Variants in XRRA1 observed in about 807,000 individuals in gnomAD.
The protein encoded by XRRA1 is X-ray radiation resistance associated 1.
XRRA1 carries 69 observed loss-of-function variants against 80.2 expected under a neutral mutation model. The observed-to-expected ratio is 0.86, with a 90% CI of 0.71 to 1.05. The LOEUF (loss-of-function observed/expected upper bound fraction) is 1.05. XRRA1 is among the 50% of genes least tolerant of loss of function. The probability of loss-of-function intolerance (pLI) is 0.00; values close to 1 mark genes in which losing one functional copy is unlikely to be tolerated. For synonymous variants in XRRA1, 348 were observed against 389.9 expected (o/e 0.89, Z 1.27); for missense variants, 967 against 976.4 (o/e 0.99, Z 0.13).
At position 74,842,372 on chromosome 11, in the gene XRRA1, G is replaced by A. The variant is rs2036693570; in HGVS notation, c.*828C>T. 1 of 152,222 alleles carries A rather than the reference G, an allele frequency of 6.6e-6. No individual in the cohort carries two copies. Among genetic ancestry groups the A allele is most frequent in the Admixed American group, 6.5e-5 (1 of 15,284 alleles). The allele number at this position is 152,222 out of a possible 1,614,324, so 9.4% of individuals were successfully genotyped here. On this transcript the variant is annotated 3_prime_UTR_variant, in exon 19 of 19. Coordinates refer to ENST00000684022, the MANE Select transcript of XRRA1 (RefSeq NM_001378157.1). Reference sequence around the variant, plus strand: ...TGTATGTTTGCCTGCTTGAAGCAAGGCCCAAGTTGAGAATACAGTAAAGGA... The same window carrying A: ...TGTATGTTTGCCTGCTTGAAGCAAGACCCAAGTTGAGAATACAGTAAAGGA...
Position 74,848,171 on chromosome 11 carries a change from G to C in XRRA1, c.1672C>G (p.Pro558Ala). The C allele has an allele frequency of 6.2e-7, 1 of 1,613,608 alleles. No homozygotes were observed. The change falls in exon 15 of 19, where the codon CCA becomes GCA. Residue 558 changes from proline to alanine, a missense_variant. Transcript: ENST00000684022. ...GAGTCCTCATCTGATGGGCGCTCTGGGCTGAGGCGGACAGTTGTGTCACTC... is the reference window on the plus strand; with the variant it reads ...GAGTCCTCATCTGATGGGCGCTCTGCGCTGAGGCGGACAGTTGTGTCACTC... ...HLSDTTVRLSPERPSDEDSKS... is the reference protein window; with the variant it reads ...HLSDTTVRLSAERPSDEDSKS...
rs1185161494 is a variant in XRRA1, at chr11:74,841,412, G to T, written c.*1788C>A. 1 of 152,168 alleles carries T rather than the reference G, an allele frequency of 6.6e-6. No individual in the cohort carries two copies. Among genetic ancestry groups the T allele is most frequent in the Non-Finnish European group, 1.5e-5 (1 of 68,028 alleles). 9.4% of individuals were successfully genotyped at this position (152,168 alleles called of 1,614,324 possible). A position where few individuals can be genotyped will look rare whatever the true frequency, so the allele number is the denominator to read the frequency against. On this transcript the variant is annotated 3_prime_UTR_variant, in exon 19 of 19. Transcript: ENST00000684022. ...TTAGCTGCTGTAGCTTTCTGAAGAA[G>T]ATTGTAGAAAAGAGACTAAGATATA...
At chr11:74,862,404 T>C (rs2042491575) in intron 11 of XRRA1, among the ~76,000 whole-genome samples, 1 of 152,246 alleles carries the variant, frequency 6.6e-6, no homozygotes, top group Non-Finnish European at 1.5e-5. Context: ...CTCTCAAGGA[T>C]GCAGGTTGGC....
chr11:74,853,368 C>T (rs1434696924), intron 12 of XRRA1, among the ~76,000 whole-genome samples: 1 of 152,194 alleles, frequency 6.6e-6, no homozygotes, highest in Non-Finnish European at 1.5e-5. Flanking sequence ...ATTTTATCTC[C>T]TAGCCTCCCA....
chr11:74,896,037 C>T (rs893259994), intron 10 of XRRA1, among the ~76,000 whole-genome samples: 1 of 152,228 alleles, frequency 6.6e-6, no homozygotes, highest in Non-Finnish European at 1.5e-5. Flanking sequence ...AGGGAGTACA[C>T]TATGGGCCTT....
intron 10 of XRRA1, among the ~76,000 whole-genome samples, chr11:74,885,951 AAAAAC>A (rs1353834133): frequency 6.6e-6 from 1 of 152,258 alleles, no homozygotes; most frequent in Non-Finnish European, 1.5e-5. Context: ...AAACAGAACT[AAAAAC>A]AAAAACCACA....
intron 5 of XRRA1, among the ~76,000 whole-genome samples, chr11:74,932,676 T>C (rs973943565): frequency 1.3e-5 from 2 of 152,260 alleles, no homozygotes; most frequent in Admixed American, 1.3e-4. Flanking sequence ...TGAAATCTTC[T>C]ATGACTTTGT....
chr11:74,933,859 C>T lies in XRRA1; in HGVS notation c.293G>A (p.Cys98Tyr), dbSNP rs1300254104. 7.5e-6 allele frequency: 12 copies of T among 1,604,774 alleles called. No individual in the cohort carries two copies. Among genetic ancestry groups the T allele is most frequent in the Non-Finnish European group, 1.0e-5 (12 of 1,175,538 alleles). The change falls in exon 5 of 19, where the codon TGT (cysteine) becomes TAT (tyrosine). Residue 98 changes from cysteine (C) to tyrosine (Y), a missense_variant. Transcript: ENST00000684022. ...LDQAFLLKHH[C>Y]VRKPSDLCTI... The stretch of plus-strand genomic sequence containing the variant: ...GCACAGATCTGATGGCTTCCTCACA[C>T]AGTGGTGCTTCAGCTGGAACATAAT...
intron 4 of XRRA1, among the ~76,000 whole-genome samples, chr11:74,934,263 A>G (rs1440506285): frequency 6.6e-6 from 1 of 152,200 alleles, no homozygotes; most frequent in Non-Finnish European, 1.5e-5. Context: ...TGCACTTTTG[A>G]CTGCCATATG....
chr11:74,869,539 A>G (rs1003589375), intron 10 of XRRA1, among the ~76,000 whole-genome samples: 2 of 152,206 alleles, frequency 1.3e-5, no homozygotes, highest in African/African-American at 4.8e-5. Context: ...AGGCATGTCC[A>G]ACATGGAGGC....
intron 7 of XRRA1, among the ~76,000 whole-genome samples, chr11:74,921,717 C>A (rs1232345752): frequency 6.6e-6 from 1 of 152,166 alleles, no homozygotes; most frequent in Non-Finnish European, 1.5e-5. Context: ...CTTCTCAATT[C>A]CCCAGACAGA....
chr11:74,910,288 C>T (rs974799522), intron 8 of XRRA1, among the ~76,000 whole-genome samples: 3 of 152,050 alleles, frequency 2.0e-5, no homozygotes, highest in African/African-American at 2.4e-5. Context: ...TTTCAGGTGG[C>T]GTTATTTGGA....
chr11:74,891,174 A>G (rs1002977408), intron 10 of XRRA1, among the ~76,000 whole-genome samples: 1 of 152,208 alleles, frequency 6.6e-6, no homozygotes, highest in Non-Finnish European at 1.5e-5. Context: ...GGCAAACCGA[A>G]TCCAGCAGCA....
chr11:74,860,801 C>T (rs923278774), intron 11 of XRRA1, among the ~76,000 whole-genome samples: 1 of 152,186 alleles, frequency 6.6e-6, no homozygotes, highest in African/African-American at 2.4e-5. Flanking sequence ...GTCTTTATCC[C>T]AGGTTCCTGG....
intron 1 of XRRA1, among the ~76,000 whole-genome samples, chr11:74,946,754 C>CTTTTTTTTTTTTTTTT (rs199664037): frequency 7.1e-6 from 1 of 141,606 alleles, no homozygotes; most frequent in African/African-American, 2.6e-5. Context: ...ACCTCTTTTT[C>CTTTTTTTTTTTTTTTT]TTTTTTTTTT....
intron 10 of XRRA1, among the ~76,000 whole-genome samples, chr11:74,871,008 A>C (rs988647602): frequency 1.3e-5 from 2 of 152,230 alleles, no homozygotes; most frequent in Non-Finnish European, 2.9e-5. Flanking sequence ...TAAATATTTT[A>C]GTCCAGGCCA....
intron 10 of XRRA1, among the ~76,000 whole-genome samples, chr11:74,879,223 GC>G (rs1291225642): frequency 1.3e-5 from 2 of 150,454 alleles, no homozygotes; most frequent in Admixed American, 1.3e-4. Context: ...TCTCTTTGAA[GC>G]AATTGTGAAT....
intron 2 of XRRA1, among the ~76,000 whole-genome samples, chr11:74,942,151 G>T (rs574545821): frequency 6.6e-6 from 1 of 152,180 alleles, no homozygotes; most frequent in East Asian, 1.9e-4. Context: ...ATTCAGAAAA[G>T]AAAATAATTT....
intron 9 of XRRA1, chr11:74,906,797 T>C (rs1248723061): frequency 2.6e-6 from 1 of 390,358 alleles, no homozygotes; most frequent in East Asian, 4.7e-5. Flanking sequence ...TTACTTCAGT[T>C]AGAATTCAGG....
Sources: gnomAD v4.1 joint callset for allele counts (sites outside exome capture counted in the v4.1 genomes callset) on GRCh38, gnomAD v4.1.1 for gene constraint, MANE v1.5 for transcripts, NCBI Gene and HGNC (gene_info 2026-07-23, HGNC 2026-07-21) for gene names.